The following ZNF816 variants were observed in gnomAD, a reference collection of about 807,000 sequenced individuals.
The protein encoded by ZNF816 is zinc finger protein 816A.
A neutral mutation model predicts 8.3 loss-of-function variants in ZNF816; 11 were observed. The observed-to-expected ratio is 1.32, with a 90% CI of 0.83 to 2.19. The LOEUF (loss-of-function observed/expected upper bound fraction) is 2.19, where lower values mean the gene tolerates loss of function less well. ZNF816 is among the 30% of genes most tolerant of loss of function. The probability of loss-of-function intolerance (pLI) is 0.00; values close to 1 mark genes in which losing one functional copy is unlikely to be tolerated. For missense variants in ZNF816, 710 were observed against 779.3 expected (o/e 0.91, Z 1.06); for synonymous variants, 255 against 254.5 (o/e 1.00, Z -0.02).
chr19:52,958,895 C>T (rs569910985), intron 1 of ZNF816, among the ~76,000 whole-genome samples: 12 of 152,306 alleles, frequency 7.9e-5, no homozygotes, highest in South Asian at 6.2e-4. Flanking sequence ...ACCTTTTGAA[C>T]GGAGATCCCA....
At chr19:52,961,175 T>C (rs1293222279) in intron 1 of ZNF816, among the ~76,000 whole-genome samples, 2 of 152,210 alleles carry the variant, frequency 1.3e-5, no homozygotes, top group Non-Finnish European at 2.9e-5. Context: ...ACAAACCTAC[T>C]ATGGGTTATA....
In ZNF816 at chr19:52,949,521, T is replaced by G; in HGVS notation, c.*298A>C. ...TAAGGCATCTGTCCAGTATGAATTC[T>G]CTGATGTCTAATGAGGTGTGAACAT... On this transcript the variant is annotated 3_prime_UTR_variant, in exon 4 of 4. Coordinates refer to ENST00000444460, the MANE Select transcript of ZNF816 (RefSeq NM_001202457.3). 1.6e-6 allele frequency: 1 copy of G among 616,882 alleles called. No homozygotes were observed. The allele number at this position is 616,882 out of a possible 1,614,324, so 38.2% of individuals were successfully genotyped here. A position where few individuals can be genotyped will look rare whatever the true frequency, so the allele number is the denominator to read the frequency against.
Position 52,949,996 on chromosome 19 carries a change from G to A in ZNF816, c.1779C>T (p.Tyr593=), listed in dbSNP as rs747131958. 1 of 1,614,002 alleles carries A rather than the reference G, an allele frequency of 6.2e-7. No individual in the cohort carries two copies. Among genetic ancestry groups the A allele is most frequent in the East Asian group, 2.2e-5 (1 of 44,878 alleles). Residue 593 remains tyrosine (Y), a synonymous_variant, in exon 4 of 4, where the codon TAC becomes TAT. Coordinates refer to ENST00000444460, the MANE Select transcript of ZNF816 (RefSeq NM_001202457.3). The part of the protein sequence containing the change: ...HQRVHTGEKP[Y]KCNECGKVFN... Reference sequence around the variant, plus strand: ...AAACCTTGCCACATTCATTACACTTGTAAGGTTTCTCTCCAGTATGAACTC... The same window carrying A: ...AAACCTTGCCACATTCATTACACTTATAAGGTTTCTCTCCAGTATGAACTC...
chr19:52,958,849 G>A (rs1299962049), intron 1 of ZNF816, among the ~76,000 whole-genome samples: 1 of 152,212 alleles, frequency 6.6e-6, no homozygotes, highest in Non-Finnish European at 1.5e-5. Flanking sequence ...TACTGGCCAA[G>A]CCTCTGTACG....
intron 2 of ZNF816, among the ~76,000 whole-genome samples, chr19:52,955,721 G>A (rs981515487): frequency 7.9e-5 from 12 of 152,162 alleles, no homozygotes; most frequent in African/African-American, 2.7e-4. Flanking sequence ...GCATCCAGAT[G>A]TGGCCCCTGA....
rs2083456024 is a variant in ZNF816 at position 52,951,188 on chromosome 19, G to T, written c.587C>A (p.Ser196Tyr). 1 of 1,609,014 alleles carries T rather than the reference G, an allele frequency of 6.2e-7. No individual in the cohort carries two copies. Among genetic ancestry groups the T allele is most frequent in the Non-Finnish European group, 8.5e-7 (1 of 1,179,560 alleles). The change falls in exon 4 of 4, where the codon TCT becomes TAT. Residue 196 changes from serine to tyrosine, a missense_variant. Ser to Tyr is a moderately radical substitution (Grantham distance 144). Coordinates refer to ENST00000444460, the MANE Select transcript of ZNF816 (RefSeq NM_001202457.3). ...ASSASESQRISCRLKTHISNK... is the reference protein window; with the variant it reads ...ASSASESQRIYCRLKTHISNK... ...AGAAATATGAGTTTTGAGCCTACAA[G>T]AAATTCTTTGGGATTCTGAAGCTGA...
intron 3 of ZNF816, 199 bp downstream of exon 3, chr19:52,952,550 TTC>T (rs1194258770): frequency 3.6e-5 from 34 of 941,458 alleles, no homozygotes; most frequent in Non-Finnish European, 5.1e-5. Flanking sequence ...TTCGTGAATT[TTC>T]TGTTTTTATG....
In ZNF816 at chr19:52,950,653, A is replaced by G. The variant is rs2083449005; in HGVS notation, c.1122T>C (p.Cys374=). 2 of 1,614,174 alleles carry G rather than the reference A, an allele frequency of 1.2e-6. No individual in the cohort carries two copies. The highest frequency in any genetic ancestry group is 1.3e-5 in the African/African-American group (1 of 75,066). Reference sequence around the variant, plus strand: ...ATGATTTCTGACTGAAGGTCTTGCCACACTCATTACACTTGTAAGGTTTCT... The same window carrying G: ...ATGATTTCTGACTGAAGGTCTTGCCGCACTCATTACACTTGTAAGGTTTCT... ...TGEKPYKCNE[C]GKTFSQKSSL... Residue 374 remains cysteine, a synonymous_variant, in exon 4 of 4, where the codon TGT becomes TGC. Transcript: ENST00000444460.
In ZNF816 at chr19:52,951,133, A is replaced by C; in HGVS notation, c.642T>G (p.Ser214=). Residue 214 remains serine (S), a synonymous_variant, in exon 4 of 4, where the codon TCT becomes TCG. Coordinates refer to ENST00000444460, the MANE Select transcript of ZNF816 (RefSeq NM_001202457.3). ...ATATTTCCTGTATTTGTGTGAATGA[A>C]GAATGGAGGAAATTCTTCCCATACT... The part of the protein sequence containing the change: ...SNKYGKNFLH[S]SFTQIQEICM... 6.2e-7 allele frequency: 1 copy of C among 1,613,998 alleles called. No individual in the cohort carries two copies. Among genetic ancestry groups the C allele is most frequent in the Non-Finnish European group, 8.5e-7 (1 of 1,179,898 alleles).
At chr19:52,953,868 C>T (rs1000882507) in intron 2 of ZNF816, among the ~76,000 whole-genome samples, 1 of 148,786 alleles carries the variant, frequency 6.7e-6, no homozygotes, top group African/African-American at 2.5e-5. Context: ...GGCAAAACTC[C>T]GTATCTACTA....
At chr19:52,956,424 G>A (rs2083511009) in intron 1 of ZNF816, among the ~76,000 whole-genome samples, 1 of 152,204 alleles carries the variant, frequency 6.6e-6, no homozygotes, top group African/African-American at 2.4e-5. Flanking sequence ...ATCACAGACT[G>A]ATCTCAGCTC....
At chr19:52,960,744 T>G (rs1600728468) in intron 1 of ZNF816, among the ~76,000 whole-genome samples, 1 of 152,004 alleles carries the variant, frequency 6.6e-6, no homozygotes, top group African/African-American at 2.4e-5. Flanking sequence ...TCCTGACCAC[T>G]CCCACCGCTG....
chr19:52,956,324 C>T (rs1318362345), intron 1 of ZNF816: 1 of 482,956 alleles, frequency 2.1e-6, no homozygotes, highest in African/African-American at 2.0e-5. Context: ...AAAGTCCACA[C>T]ACACGCTGCA....
In ZNF816 at chr19:52,949,588, C is replaced by T; in HGVS notation, c.*231G>A. Reference sequence around the variant, plus strand: ...CACAATCATCACACTTGTGAGGTTTCTCTCCTGTATGAATTCTATGTTTTG... The same window carrying T: ...CACAATCATCACACTTGTGAGGTTTTTCTCCTGTATGAATTCTATGTTTTG... On this transcript the variant is annotated 3_prime_UTR_variant, in exon 4 of 4. Coordinates refer to ENST00000444460, the MANE Select transcript of ZNF816 (RefSeq NM_001202457.3). 1 of 766,694 alleles carries T rather than the reference C, an allele frequency of 1.3e-6. No individual in the cohort carries two copies. Among genetic ancestry groups the T allele is most frequent in the East Asian group, 2.6e-5 (1 of 37,804 alleles). The allele number at this position is 766,694 out of a possible 1,614,324, so 47.5% of individuals were successfully genotyped here.
At chr19:52,956,153 C>T in intron 1 of ZNF816, 49 bp from the exon 2 acceptor site, 3 of 1,570,042 alleles carry the variant, frequency 1.9e-6, no homozygotes, top group Non-Finnish European at 2.6e-6. Flanking sequence ...CCATTGACTC[C>T]TTTCCTGTGA....
intron 3 of ZNF816, chr19:52,951,813 G>A (rs762760671): frequency 4.1e-6 from 2 of 491,200 alleles, no homozygotes; most frequent in East Asian, 3.2e-5. Context: ...CAGCAGAATT[G>A]CTTGAAGCCA....
At position 52,950,373 on chromosome 19, in the gene ZNF816, G is replaced by A. The variant is rs373181651; in HGVS notation, c.1402C>T (p.Leu468Phe). ...CGRSFSRKSS[L>F]QYHHTLHTGE... is the part of the protein sequence containing the mutation. ...GTGTGAAGTGTATGATGGTATTGAA[G>A]GGATGACTTCCGACTGAAACTCCTG... is the stretch of plus-strand genomic sequence containing the variant. The change falls in exon 4 of 4, where the codon CTT (leucine) becomes TTT (phenylalanine). Residue 468 changes from leucine (L) to phenylalanine (F), a missense_variant. Transcript: ENST00000444460. 6.2e-6 allele frequency: 10 copies of A among 1,613,546 alleles called. No homozygotes were observed. In the African/African-American group the frequency reaches 1.3e-4, roughly 22 times the overall value.
intron 2 of ZNF816, among the ~76,000 whole-genome samples, chr19:52,955,006 T>A (rs2122157258): frequency 6.6e-6 from 1 of 152,192 alleles, no homozygotes; most frequent in East Asian, 1.9e-4. Flanking sequence ...TTTGGACTTT[T>A]ACTACACAAC....
In ZNF816 at chr19:52,950,667, T is replaced by C. The variant is rs780741238; in HGVS notation, c.1108A>G (p.Lys370Glu). The C allele has an allele frequency of 4.3e-6, 7 of 1,614,138 alleles. No individual in the cohort carries two copies. In the Admixed American group the frequency reaches 1.2e-4, roughly 27 times the overall value. The change falls in exon 4 of 4, where the codon AAG becomes GAG. Residue 370 changes from lysine to glutamate, a missense_variant. Coordinates refer to ENST00000444460, the MANE Select transcript of ZNF816 (RefSeq NM_001202457.3). ...AAGGTCTTGCCACACTCATTACACT[T>C]GTAAGGTTTCTCTCCAGTATGAATT... is the stretch of plus-strand genomic sequence containing the variant. ...KAIHTGEKPY[K>E]CNECGKTFSQ...
Sources: gnomAD v4.1 joint callset for allele counts (sites outside exome capture counted in the v4.1 genomes callset) on GRCh38, gnomAD v4.1.1 for gene constraint, MANE v1.5 for transcripts, NCBI Gene and HGNC (gene_info 2026-07-23, HGNC 2026-07-21) for gene names.